Variants in MSI2 observed in about 807,000 individuals in gnomAD.
The protein encoded by MSI2 is RNA-binding protein Musashi homolog 2.
MSI2 carries 17 observed loss-of-function variants against 45.6 expected under a neutral mutation model. The observed-to-expected ratio is 0.37, with a 90% CI of 0.26 to 0.56. The LOEUF is 0.56. Among genes scored for constraint, MSI2 ranks in the 20% least tolerant of loss-of-function variants. The probability of loss-of-function intolerance (pLI) is 0.77; values close to 1 mark genes in which losing one functional copy is unlikely to be tolerated. For synonymous variants in MSI2, 156 were observed against 158.2 expected, an observed-to-expected ratio of 0.99 and a Z score of 0.11; for missense variants, 293 against 444.2, an observed-to-expected ratio of 0.66 and a Z score of 3.06.
At chr17:57,658,995 G>A (rs992051278) in intron 11 of MSI2, among the ~76,000 whole-genome samples, 7 of 152,280 alleles carry the variant, frequency 4.6e-5, no homozygotes, top group African/African-American at 1.4e-4. Context: ...AACCATCCAA[G>A]GAGCATGTGC....
chr17:57,597,061 A>T, intron 8 of MSI2, 111 bp downstream of exon 8: 16 of 736,060 alleles, frequency 2.2e-5, no homozygotes, highest in Non-Finnish European at 3.1e-5. Flanking sequence ...AGGGGTGGGG[A>T]GGGGGCTAGA....
chr17:57,305,220 G>C (rs1225783680), intron 5 of MSI2, among the ~76,000 whole-genome samples: 1 of 152,102 alleles, frequency 6.6e-6, no homozygotes, highest in Non-Finnish European at 1.5e-5. Context: ...AGAAGGGCCC[G>C]AGCATCTGTC....
rs191467751 is a variant in MSI2 at position 57,654,413 on chromosome 17, G to A, written c.790+2252G>A. Reference sequence around the variant, plus strand: ...TTTTAACGCATTCTGCCAGTAAGGGGACTGTCACCTCACTCCTTCTAGAAA... The same window carrying A: ...TTTTAACGCATTCTGCCAGTAAGGGAACTGTCACCTCACTCCTTCTAGAAA... On this transcript the variant is annotated intron_variant, in intron 11 of 13. Coordinates refer to ENST00000284073, the MANE Select transcript of MSI2 (RefSeq NM_138962.4). Among the ~76,000 whole-genome samples the A allele has an allele frequency of 3.9e-5, 6 of 152,338 alleles. No homozygotes were observed. In the East Asian group the frequency reaches 1.2e-3, roughly 29 times the overall value.
At chr17:57,494,486 G>A (rs2085937185) in intron 6 of MSI2, among the ~76,000 whole-genome samples, 2 of 152,058 alleles carry the variant, frequency 1.3e-5, no homozygotes, top group Non-Finnish European at 2.9e-5. Flanking sequence ...ATATTGTGGG[G>A]GTAATAAGAC....
chr17:57,556,440 A>G (rs1022458457), intron 7 of MSI2, among the ~76,000 whole-genome samples: 3 of 152,234 alleles, frequency 2.0e-5, no homozygotes, highest in Non-Finnish European at 2.9e-5. Context: ...AAATGTAAGA[A>G]TACTTCTTCC....
chr17:57,633,859 T>G (rs1598477468), intron 10 of MSI2, among the ~76,000 whole-genome samples: 1 of 152,202 alleles, frequency 6.6e-6, no homozygotes, highest in African/African-American at 2.4e-5. Context: ...TCTTACTAAG[T>G]CAGCTCTCCA....
In MSI2 at chr17:57,596,808, C is replaced by T; in HGVS notation, c.455-60C>T. On this transcript the variant is annotated intron_variant, in intron 7 of 13. Transcript: ENST00000284073. This position sits in a 1 kb window ranked among gnomAD's most constrained non-coding sequence, Gnocchi z 4.6. ...CAGGACGTCAGAGAAAAACCTGGGC[C>T]TGCCAGAACTGAACTCACCCCGCCT... 1 of 1,246,616 alleles carries T rather than the reference C, an allele frequency of 8.0e-7. No individual in the cohort carries two copies. The highest frequency in any genetic ancestry group is 1.2e-6 in the Non-Finnish European group (1 of 851,644). The allele number at this position is 1,246,616 out of a possible 1,614,324, so 77.2% of individuals were successfully genotyped here. A position where few individuals can be genotyped will look rare whatever the true frequency, so the allele number is the denominator to read the frequency against.
chr17:57,584,132 C>G (rs909352765), intron 7 of MSI2, among the ~76,000 whole-genome samples: 2 of 152,154 alleles, frequency 1.3e-5, no homozygotes, highest in African/African-American at 4.8e-5. Flanking sequence ...CAGTAGCCTC[C>G]TCACCTCATT....
At chr17:57,597,984 T>C (rs1252865681) in intron 8 of MSI2, among the ~76,000 whole-genome samples, 1 of 152,186 alleles carries the variant, frequency 6.6e-6, no homozygotes, top group Non-Finnish European at 1.5e-5. Context: ...GGAAGTCGTG[T>C]AGGCCTCCCA....
At chr17:57,510,400 GT>G (rs34773035) in intron 6 of MSI2, among the ~76,000 whole-genome samples, 27 of 148,204 alleles carry the variant, frequency 1.8e-4, no homozygotes, top group East Asian at 3.9e-4. Context: ...CACTCCTCTT[GT>G]TTTTTTTTTT....
chr17:57,557,234 C>T (rs1380777964), intron 7 of MSI2, among the ~76,000 whole-genome samples: 2 of 152,210 alleles, frequency 1.3e-5, no homozygotes, highest in South Asian at 2.1e-4. Context: ...CAGTCATAGG[C>T]AACCAGATGG....
intron 6 of MSI2, among the ~76,000 whole-genome samples, chr17:57,474,666 TTG>T (rs2085503939): frequency 6.6e-6 from 1 of 151,998 alleles, no homozygotes; most frequent in Non-Finnish European, 1.5e-5. Flanking sequence ...CTGTTACTCT[TTG>T]TGGGAATATG....
downstream of MSI2, among the ~76,000 whole-genome samples, chr17:57,685,319 T>C (rs1300757285): frequency 1.3e-5 from 2 of 152,184 alleles, no homozygotes; most frequent in Non-Finnish European, 2.9e-5. Context: ...TACAGCATGC[T>C]CTGAATCAGT....
At chr17:57,323,354 T>C (rs1462538847) in intron 5 of MSI2, among the ~76,000 whole-genome samples, 1 of 152,238 alleles carries the variant, frequency 6.6e-6, no homozygotes, top group African/African-American at 2.4e-5. Context: ...CCCATGGACT[T>C]CTGGACATCC....
intron 5 of MSI2, among the ~76,000 whole-genome samples, chr17:57,323,900 A>G (rs1567757275): frequency 6.6e-6 from 1 of 152,170 alleles, no homozygotes; most frequent in Non-Finnish European, 1.5e-5. Context: ...CATTCTTCCC[A>G]CAGGTTCTGA....
chr17:57,668,006 C>G (rs1912499664), intron 11 of MSI2, among the ~76,000 whole-genome samples: 4 of 152,198 alleles, frequency 2.6e-5, no homozygotes, highest in Admixed American at 2.6e-4. Flanking sequence ...CGAGACCAAC[C>G]TGGCCAACAT....
At chr17:57,415,635 T>C (rs1438164713) in intron 6 of MSI2, among the ~76,000 whole-genome samples, 1 of 152,116 alleles carries the variant, frequency 6.6e-6, no homozygotes, top group Non-Finnish European at 1.5e-5. Context: ...CCTGCCTGCA[T>C]TCCCTTTCTG....
At chr17:57,692,112 A>G in the MSI2 span, among the ~76,000 whole-genome samples, 1 of 152,156 alleles carries the variant, frequency 6.6e-6, no homozygotes, top group Admixed American at 6.5e-5. Context: ...AAATGGTCAT[A>G]TTGTTTTTAT....
At chr17:57,515,113 T>C (rs2086442449) in intron 6 of MSI2, among the ~76,000 whole-genome samples, 1 of 152,258 alleles carries the variant, frequency 6.6e-6, no homozygotes, top group African/African-American at 2.4e-5. Context: ...AAGGTCTGTG[T>C]TTCAAAAATT....
Sources: allele counts gnomAD v4.1 joint callset (sites outside exome capture counted in the v4.1 genomes callset), GRCh38; gene constraint gnomAD v4.1.1; non-coding constraint Gnocchi (gnomAD v3.1); transcripts MANE v1.5; gene names NCBI Gene and HGNC (gene_info 2026-07-23, HGNC 2026-07-21).